Variants in CORIN observed in about 807,000 individuals in gnomAD.
CORIN encodes corin, serine peptidase, also known as atrial natriuretic peptide-converting enzyme.
Under a neutral mutation model 125.3 loss-of-function variants are expected in CORIN, and 117 were observed. The observed-to-expected ratio is 0.93, with a 90% CI of 0.80 to 1.09. CORIN has a LOEUF of 1.09. Ranked by LOEUF, CORIN falls within the 50% of genes least tolerant of loss-of-function variation. The probability of loss-of-function intolerance (pLI) is 0.00; values close to 1 mark genes in which losing one functional copy is unlikely to be tolerated. For synonymous variants in CORIN, 450 were observed against 466.4 expected, an observed-to-expected ratio of 0.96 and a Z score of 0.45; for missense variants, 1,253 against 1,306.7, an observed-to-expected ratio of 0.96 and a Z score of 0.63.
chr4:47,679,670 T>G (rs991448005), intron 8 of CORIN: 2 of 154,076 alleles, frequency 1.3e-5, no homozygotes, highest in African/African-American at 4.8e-5. Flanking sequence ...TCTCTTTGTA[T>G]CATCATATGA....
chr4:47,598,147 T>G lies in CORIN; in HGVS notation c.2946+2067A>C, dbSNP rs549234659. Reference sequence around the variant, plus strand: ...TTGGTCCTCTTTGTAATATTGGGCTTGAAACCAACATTTATATTTGGCTTC... The same window carrying G: ...TTGGTCCTCTTTGTAATATTGGGCTGGAAACCAACATTTATATTTGGCTTC... On this transcript the variant is annotated intron_variant, in intron 21 of 21. Transcript: ENST00000273857. Among the ~76,000 whole-genome samples, 3 of 152,324 alleles carry G rather than the reference T, an allele frequency of 2.0e-5. No individual in the cohort carries two copies. In the South Asian group the frequency reaches 6.2e-4, roughly 32 times the overall value.
chr4:47,749,265 T>C (rs898460775), intron 4 of CORIN, among the ~76,000 whole-genome samples: 1 of 152,126 alleles, frequency 6.6e-6, no homozygotes, highest in Non-Finnish European at 1.5e-5. Context: ...CAGAAGGTAA[T>C]GGAATGTCAA....
At chr4:47,607,827 G>T (rs1577732102) in intron 19 of CORIN, among the ~76,000 whole-genome samples, 1 of 151,990 alleles carries the variant, frequency 6.6e-6, no homozygotes, top group East Asian at 1.9e-4. Flanking sequence ...TGCACCTATA[G>T]TCCCAGCTAC....
At chr4:47,649,697 A>G (rs891134194) in intron 13 of CORIN, among the ~76,000 whole-genome samples, 1 of 152,246 alleles carries the variant, frequency 6.6e-6, no homozygotes, top group African/African-American at 2.4e-5. Flanking sequence ...CTGCCATTCC[A>G]GCCTGCCTTC....
chr4:47,801,112 TC>T (rs1354203560), intron 2 of CORIN, among the ~76,000 whole-genome samples: 1 of 152,044 alleles, frequency 6.6e-6, no homozygotes, highest in Non-Finnish European at 1.5e-5. Flanking sequence ...AAGCCAAACA[TC>T]ATATTTGGTC....
At chr4:47,758,891 T>C (rs1577897557) in intron 4 of CORIN, among the ~76,000 whole-genome samples, 1 of 152,222 alleles carries the variant, frequency 6.6e-6, no homozygotes, top group Admixed American at 6.5e-5. Flanking sequence ...TGTGAGTCAA[T>C]TAAATCTCCT....
At chr4:47,766,746 G>A (rs111970317) in intron 3 of CORIN, among the ~76,000 whole-genome samples, 4,310 of 152,124 alleles carry the variant, frequency 0.028, 93 homozygotes, top group Non-Finnish European at 0.044. Flanking sequence ...AGGAGTTCGA[G>A]ACCACCCTGG....
intron 5 of CORIN, among the ~76,000 whole-genome samples, chr4:47,736,490 T>G (rs930929438): frequency 1.3e-5 from 2 of 152,222 alleles, no homozygotes; most frequent in Admixed American, 6.5e-5. Context: ...CTACATTCTT[T>G]TTTAAAGTTT....
At chr4:47,685,813 G>GA (rs961687307) in intron 6 of CORIN, among the ~76,000 whole-genome samples, 34 of 151,460 alleles carry the variant, frequency 2.2e-4, no homozygotes, top group African/African-American at 7.5e-4. Context: ...AAAATAGGCG[G>GA]AATTTCAATA....
At chr4:47,674,785 C>A (rs1189202454) in intron 9 of CORIN, among the ~76,000 whole-genome samples, 1 of 152,034 alleles carries the variant, frequency 6.6e-6, no homozygotes, top group Non-Finnish European at 1.5e-5. Context: ...ATAGTGTTTT[C>A]TTTTTACATG....
chr4:47,642,979 G>T, intron 15 of CORIN, 167 bp downstream of exon 15: 1 of 1,536,952 alleles, frequency 6.5e-7, no homozygotes, highest in South Asian at 1.2e-5. Flanking sequence ...GAAATTTTCT[G>T]TGAGTTGGAA....
chr4:47,653,589 C>T lies in CORIN; in HGVS notation c.1807G>A (p.Ala603Thr). 1 of 1,614,104 alleles carries T rather than the reference C, an allele frequency of 6.2e-7. No homozygotes were observed. The highest frequency in any genetic ancestry group is 8.5e-7 in the Non-Finnish European group (1 of 1,179,972). The change falls in exon 13 of 22, where the codon GCC (alanine) becomes ACC (threonine). Residue 603 changes from alanine (A) to threonine (T), a missense_variant. Transcript: ENST00000273857. Reference protein sequence around the residue: ...VLASRRCDGQADCDDDSDEEN... With the variant: ...VLASRRCDGQTDCDDDSDEEN... Reference sequence around the variant, plus strand: ...TCATCACTGTCATCGTCACAGTCGGCCTGGCCATCACATCTTCTGGAAGCC... The same window carrying T: ...TCATCACTGTCATCGTCACAGTCGGTCTGGCCATCACATCTTCTGGAAGCC...
chr4:47,685,195 A>G (rs1371426882), intron 6 of CORIN, among the ~76,000 whole-genome samples: 1 of 152,216 alleles, frequency 6.6e-6, no homozygotes, highest in African/African-American at 2.4e-5. Flanking sequence ...TTAAACATAT[A>G]TCCACATGAA....
At chr4:47,726,331 A>G (rs1360553807) in intron 5 of CORIN, among the ~76,000 whole-genome samples, 1 of 152,152 alleles carries the variant, frequency 6.6e-6, no homozygotes, top group Non-Finnish European at 1.5e-5. Context: ...GCAAATAAAC[A>G]AATTGAGGTA....
chr4:47,612,436 G>T (rs933582089), intron 19 of CORIN, among the ~76,000 whole-genome samples: 2 of 152,118 alleles, frequency 1.3e-5, no homozygotes, highest in Admixed American at 6.5e-5. Flanking sequence ...TTTAAAAATG[G>T]ATACAACAAG....
intron 1 of CORIN, among the ~76,000 whole-genome samples, chr4:47,811,214 G>GA (rs1003040272): frequency 6.6e-6 from 1 of 152,050 alleles, no homozygotes; most frequent in African/African-American, 2.4e-5. Flanking sequence ...TGCATGATGA[G>GA]AAAAAACAAC....
intron 10 of CORIN, among the ~76,000 whole-genome samples, chr4:47,673,604 T>C (rs1489531595): frequency 6.6e-6 from 1 of 152,144 alleles, no homozygotes; most frequent in Non-Finnish European, 1.5e-5. Context: ...CTCTTTCACT[T>C]CCGCCCATTC....
intron 3 of CORIN, 80 bp downstream of exon 3, chr4:47,786,645 C>A: frequency 9.1e-7 from 1 of 1,095,862 alleles, no homozygotes; most frequent in Non-Finnish European, 1.4e-6. Context: ...TGATTGTGAA[C>A]TAAAAGCATT....
At position 47,786,872 on chromosome 4, in the gene CORIN, C is replaced by T. The variant is rs546767397; in HGVS notation, c.262G>A (p.Asp88Asn). Residue 88 changes from aspartate to asparagine, a missense_variant, in exon 3 of 22, where the codon GAT (aspartate) becomes AAT (asparagine). Transcript: ENST00000273857. ...KSNGSEPLVT[D>N]GEIQGSDVIL... ...ACATCGGACCCTTGGATTTCACCAT[C>T]AGTGACCAAAGGTTCACTCCCATTT... The T allele has an allele frequency of 1.9e-6, 3 of 1,613,942 alleles. No homozygotes were observed. In the South Asian group the frequency reaches 3.3e-5, roughly 18 times the overall value.
Sources: gnomAD v4.1 joint callset for allele counts (sites outside exome capture counted in the v4.1 genomes callset) on GRCh38, gnomAD v4.1.1 for gene constraint, MANE v1.5 for transcripts, NCBI Gene and HGNC (gene_info 2026-07-23, HGNC 2026-07-21) for gene names.